SRRM4: variants seen among roughly 807,000 people sequenced by gnomAD.
The protein encoded by SRRM4 is serine/arginine repetitive matrix 4.
SRRM4 carries 33 observed loss-of-function variants against 68.9 expected under a neutral mutation model. The observed-to-expected ratio is 0.48, with a 90% CI of 0.36 to 0.64. SRRM4 has a LOEUF of 0.64. SRRM4 is among the 30% of genes least tolerant of loss of function. SRRM4 has a pLI of 0.00. For missense variants in SRRM4, 817 were observed against 827.1 expected (o/e 0.99, Z 0.15); for synonymous variants, 318 against 318.8 (o/e 1.00, Z 0.03).
intron 1 of SRRM4, among the ~76,000 whole-genome samples, chr12:119,086,340 A>G (rs1406488326): frequency 6.6e-6 from 1 of 152,194 alleles, no homozygotes; most frequent in African/African-American, 2.4e-5. Flanking sequence ...ATCCATCTAA[A>G]GTGCTTTGCT....
At chr12:118,995,134 T>G (rs1244709304) in intron 1 of SRRM4, among the ~76,000 whole-genome samples, 1 of 152,246 alleles carries the variant, frequency 6.6e-6, no homozygotes, top group Non-Finnish European at 1.5e-5. Context: ...TTTTGACTAC[T>G]TACTATACAC....
chr12:119,120,301 C>T, intron 5 of SRRM4, 25 bp downstream of exon 5: 1 of 1,550,422 alleles, frequency 6.4e-7, no homozygotes, highest in Non-Finnish European at 8.7e-7. Flanking sequence ...CTCTGACTGC[C>T]TGTTCAATTT....
At chr12:119,057,557 G>T (rs1018894602) in intron 1 of SRRM4, among the ~76,000 whole-genome samples, 3 of 152,048 alleles carry the variant, frequency 2.0e-5, no homozygotes, top group Non-Finnish European at 2.9e-5. Flanking sequence ...AGTATTCCAG[G>T]GTGTATATAT....
intron 1 of SRRM4, among the ~76,000 whole-genome samples, chr12:119,078,972 T>G (rs1050336358): frequency 6.6e-6 from 1 of 152,040 alleles, no homozygotes; most frequent in Non-Finnish European, 1.5e-5. Context: ...AAGCACATCT[T>G]TAAGGACGCA....
intron 1 of SRRM4, among the ~76,000 whole-genome samples, chr12:119,014,511 G>C (rs1953469416): frequency 6.6e-6 from 1 of 152,174 alleles, no homozygotes; most frequent in African/African-American, 2.4e-5. Context: ...GCAGGTATTA[G>C]AGGAAAGAAA....
chr12:119,017,723 C>T (rs1168256200), intron 1 of SRRM4, among the ~76,000 whole-genome samples: 1 of 152,090 alleles, frequency 6.6e-6, no homozygotes, highest in East Asian at 1.9e-4. Context: ...GGGAGGGGTC[C>T]GTCTCATCTT....
intron 7 of SRRM4, among the ~76,000 whole-genome samples, chr12:119,126,014 C>CTTTTTTTTTTTTTTTTTTTTTT (rs34680171): frequency 1.4e-5 from 1 of 71,134 alleles, no homozygotes; most frequent in Non-Finnish European, 2.5e-5. Flanking sequence ...ATACTAGCTG[C>CTTTTTTTTTTTTTTTTTTTTTT]TTTTTTTTTT....
At chr12:119,099,631 G>T (rs1386737444) in intron 1 of SRRM4, among the ~76,000 whole-genome samples, 2 of 152,196 alleles carry the variant, frequency 1.3e-5, no homozygotes, top group Non-Finnish European at 2.9e-5. Context: ...TGGCTGAGTG[G>T]TTCTAACTCA....
chr12:119,016,585 A>C (rs1409712706), intron 1 of SRRM4, among the ~76,000 whole-genome samples: 1 of 152,220 alleles, frequency 6.6e-6, no homozygotes, highest in East Asian at 1.9e-4. Context: ...AGGAGACTCA[A>C]ATACAAATTT....
Position 119,138,366 on chromosome 12 carries a change from T to C in SRRM4, c.772-7015T>C, listed in dbSNP as rs57528887. ...GGGGTACTGAAGCAGATAGTGTCCA[T>C]ATATAGATCCTCACCCTCTGCACTT... On this transcript the variant is annotated intron_variant, in intron 8 of 12. Coordinates refer to ENST00000267260, the MANE Select transcript of SRRM4 (RefSeq NM_194286.4). Among the ~76,000 whole-genome samples the C allele has an allele frequency of 6.3e-3, 960 of 152,274 alleles. 11 individuals carry two copies. Among genetic ancestry groups the C allele is most frequent in the African/African-American group, 0.022 (901 of 41,554 alleles).
At chr12:119,092,019 G>C (rs1425235366) in intron 1 of SRRM4, among the ~76,000 whole-genome samples, 1 of 152,164 alleles carries the variant, frequency 6.6e-6, no homozygotes, top group Non-Finnish European at 1.5e-5. Context: ...AGGAATGACT[G>C]GATGAATAAA....
intron 1 of SRRM4, among the ~76,000 whole-genome samples, chr12:119,044,705 A>G (rs929890513): frequency 5.3e-5 from 8 of 152,162 alleles, no homozygotes; most frequent in African/African-American, 1.9e-4. Flanking sequence ...GGAACCAGGG[A>G]GATAAAAATA....
At chr12:119,037,744 T>C (rs115589081) in intron 1 of SRRM4, among the ~76,000 whole-genome samples, 6 of 152,132 alleles carry the variant, frequency 3.9e-5, no homozygotes, top group Non-Finnish European at 8.8e-5. Context: ...AAGGAAGGCA[T>C]GGAAATGTAT....
intron 1 of SRRM4, among the ~76,000 whole-genome samples, chr12:119,038,377 A>C (rs1953643623): frequency 6.6e-6 from 1 of 151,706 alleles, no homozygotes; most frequent in Non-Finnish European, 1.5e-5. Flanking sequence ...ATGCCTGGCT[A>C]ATTTTTTGTA....
At position 119,070,584 on chromosome 12, in the gene SRRM4, C is replaced by T. The variant is rs117874192; in HGVS notation, c.132-31652C>T. Among the ~76,000 whole-genome samples the T allele has an allele frequency of 8.9e-3, 1,361 of 152,178 alleles. 12 individuals carry two copies. Among genetic ancestry groups the T allele is most frequent in the African/African-American group, 0.019 (804 of 41,504 alleles). On this transcript the variant is annotated intron_variant, in intron 1 of 12. Transcript: ENST00000267260. ...AATATGGGGAGGTTTTAGGCGACCA[C>T]CAAGTCTATAAATAGGAAAACTAAG...
chr12:119,068,493 C>G (rs1280615163), intron 1 of SRRM4, among the ~76,000 whole-genome samples: 1 of 152,214 alleles, frequency 6.6e-6, no homozygotes, highest in African/African-American at 2.4e-5. Flanking sequence ...AAGAGAAGAG[C>G]TGGGCAGCTG....
At chr12:119,011,294 A>G (rs1195258070) in intron 1 of SRRM4, among the ~76,000 whole-genome samples, 3 of 152,202 alleles carry the variant, frequency 2.0e-5, no homozygotes, top group Non-Finnish European at 4.4e-5. Flanking sequence ...AGGTTTTTCA[A>G]CCTTGGCACT....
At chr12:118,991,147 C>T (rs1317948535) in intron 1 of SRRM4, among the ~76,000 whole-genome samples, 1 of 152,172 alleles carries the variant, frequency 6.6e-6, no homozygotes, top group Non-Finnish European at 1.5e-5. Context: ...CTGCCATGGC[C>T]TCTAGCCTCT....
intron 1 of SRRM4, among the ~76,000 whole-genome samples, chr12:118,999,711 T>C (rs1953372408): frequency 6.6e-6 from 1 of 152,196 alleles, no homozygotes; most frequent in African/African-American, 2.4e-5. Context: ...ATAGCTATTT[T>C]GCAGCTGAGG....
Sources: gnomAD v4.1 joint callset for allele counts (sites outside exome capture counted in the v4.1 genomes callset) on GRCh38, gnomAD v4.1.1 for gene constraint, MANE v1.5 for transcripts, NCBI Gene and HGNC (gene_info 2026-07-23, HGNC 2026-07-21) for gene names.